The following TMBIM1 variants were observed in gnomAD, a reference collection of about 807,000 sequenced individuals.
TMBIM1 encodes the protein protein lifeguard 3.
Under a neutral mutation model 45.1 loss-of-function variants are expected in TMBIM1, and 34 were observed. The observed-to-expected ratio is 0.75, with a 90% CI of 0.57 to 1.00. The LOEUF is 1.00. TMBIM1 is among the 50% of genes least tolerant of loss of function. The probability of loss-of-function intolerance (pLI) is 0.00; values close to 1 mark genes in which losing one functional copy is unlikely to be tolerated. For missense variants in TMBIM1, 374 were observed against 402.4 expected, an observed-to-expected ratio of 0.93 and a Z score of 0.60; for synonymous variants, 157 against 153.5, an observed-to-expected ratio of 1.02 and a Z score of -0.17.
At chr2:218,276,672 T>C (rs978666410) in intron 10 of TMBIM1, among the ~76,000 whole-genome samples, 1 of 152,160 alleles carries the variant, frequency 6.6e-6, no homozygotes, top group African/African-American at 2.4e-5. Flanking sequence ...CCTAGGCCCA[T>C]CATCTCAGTC....
At chr2:218,288,386 G>A (rs374839087) in intron 1 of TMBIM1, among the ~76,000 whole-genome samples, 119 of 152,206 alleles carry the variant, frequency 7.8e-4, no homozygotes, top group African/African-American at 2.5e-3. Context: ...TCAAAATGGC[G>A]CCACTGCACT....
At chr2:218,276,154 G>A (rs891091976) in intron 10 of TMBIM1, 75 bp from the exon 11 acceptor site, 19 of 1,516,958 alleles carry the variant, frequency 1.3e-5, no homozygotes, top group South Asian at 4.7e-5. Context: ...AGCTTCCCCC[G>A]GGATAGTGGC....
At chr2:218,291,620 G>A (rs2106243048) in intron 1 of TMBIM1, among the ~76,000 whole-genome samples, 1 of 152,280 alleles carries the variant, frequency 6.6e-6, no homozygotes, top group African/African-American at 2.4e-5. Context: ...AGACCCCATA[G>A]GACAAGAATT....
Position 218,275,932 on chromosome 2 carries a change from C to T in TMBIM1, c.789+94G>A, listed in dbSNP as rs1463302263. ...GGAATGGCCTGCTATGGCCCCATTC[C>T]CTGCCTCCCAGGCAGTCTAAATTCA... On this transcript the variant is annotated intron_variant, in intron 11 of 11. Coordinates refer to ENST00000258412, the MANE Select transcript of TMBIM1 (RefSeq NM_022152.6). 4 of 1,438,628 alleles carry T rather than the reference C, an allele frequency of 2.8e-6. No individual in the cohort carries two copies. In the African/African-American group the frequency reaches 5.6e-5, roughly 20 times the overall value. The allele number at this position is 1,438,628 out of a possible 1,614,324, so 89.1% of individuals were successfully genotyped here.
intron 1 of TMBIM1, among the ~76,000 whole-genome samples, chr2:218,288,289 T>C (rs1042247790): frequency 6.6e-6 from 1 of 151,998 alleles, no homozygotes; most frequent in African/African-American, 2.4e-5. Flanking sequence ...ATTAGCTGGA[T>C]GTGGTGGCGG....
At position 218,275,438 on chromosome 2, in the gene TMBIM1, G is replaced by C; in HGVS notation, c.*37C>G. 1.3e-6 allele frequency: 2 copies of C among 1,594,290 alleles called. No homozygotes were observed. The highest frequency in any genetic ancestry group is 2.3e-5 in the South Asian group (2 of 87,794). ...GGGCCCAGCCCTCTAGCTTGGAAGG[G>C]AGAGCCCAGGATCGGGTGAAAATGG... On this transcript the variant is annotated 3_prime_UTR_variant, in exon 12 of 12. Transcript: ENST00000258412.
At chr2:218,291,740 G>A (rs1021921519) in intron 1 of TMBIM1, among the ~76,000 whole-genome samples, 2 of 151,996 alleles carry the variant, frequency 1.3e-5, no homozygotes, top group African/African-American at 4.8e-5. Context: ...CCCTTTTCCC[G>A]TTTCTCTGTT....
chr2:218,289,378 A>G (rs1389021675), intron 1 of TMBIM1, among the ~76,000 whole-genome samples: 2 of 152,176 alleles, frequency 1.3e-5, no homozygotes, highest in Non-Finnish European at 2.9e-5. Flanking sequence ...GCGGTGGCTC[A>G]TGCCTGTAAT....
At chr2:218,278,404 T>G in intron 6 of TMBIM1, 111 bp downstream of exon 6, 1 of 1,142,392 alleles carries the variant, frequency 8.8e-7, no homozygotes, top group Non-Finnish European at 1.3e-6. Flanking sequence ...TCCTCCTCAT[T>G]TCTTGTAAGT....
In TMBIM1 at chr2:218,277,447, G is replaced by A. The variant is rs1381991618; in HGVS notation, c.558C>T (p.Tyr186=). The A allele has an allele frequency of 1.9e-6, 3 of 1,614,160 alleles. No homozygotes were observed. Among genetic ancestry groups the A allele is most frequent in the Non-Finnish European group, 2.5e-6 (3 of 1,180,030 alleles). Residue 186 remains tyrosine (Y), a synonymous_variant, in exon 9 of 12, where the codon TAC becomes TAT. Transcript: ENST00000258412. ...GFMTGTISSM[Y]QTKAVIIAMI... is the part of the protein sequence containing the mutation. ...TTGCAATGATGACGGCTTTGGTTTG[G>A]TACATACTGGGGAGAAGCAGGAGTT...
At chr2:218,282,834 G>A (rs1435659288) in intron 1 of TMBIM1, among the ~76,000 whole-genome samples, 4 of 152,222 alleles carry the variant, frequency 2.6e-5, no homozygotes, top group Admixed American at 1.3e-4. Flanking sequence ...CAGGGGCTGG[G>A]GGCAGGGAGG....
chr2:218,276,025 C>A lies in TMBIM1; in HGVS notation c.789+1G>T. 6.2e-7 allele frequency: 1 copy of A among 1,611,690 alleles called. No homozygotes were observed. The highest frequency in any genetic ancestry group is 8.5e-7 in the Non-Finnish European group (1 of 1,179,046). On this transcript the variant is annotated splice_donor_variant, in intron 11 of 11. Coordinates refer to ENST00000258412, the MANE Select transcript of TMBIM1 (RefSeq NM_022152.6). LOFTEE classifies it high-confidence loss of function. ...CTTCCTAGAGTGGGGCTGGGACTTA[C>A]CAGGGTGAAACAAATGGCCCCCAGA...
intron 9 of TMBIM1, 76 bp from the exon 10 acceptor site, chr2:218,277,175 G>A (rs1691305114): frequency 7.5e-7 from 1 of 1,340,404 alleles, no homozygotes; most frequent in Non-Finnish European, 1.1e-6. Context: ...CTGCCAGGGA[G>A]TCCCAGTGCT....
chr2:218,275,803 A>G (rs1342321682), intron 11 of TMBIM1, among the ~76,000 whole-genome samples, 182 bp from the exon 12 acceptor site: 1 of 152,176 alleles, frequency 6.6e-6, no homozygotes, highest in Non-Finnish European at 1.5e-5. Context: ...AGGCAGACAC[A>G]CCGTTCTCAA....
intron 2 of TMBIM1, among the ~76,000 whole-genome samples, chr2:218,281,554 G>A (rs983899390): frequency 2.6e-5 from 4 of 152,232 alleles, no homozygotes; most frequent in Non-Finnish European, 5.9e-5. Flanking sequence ...AGTGGTTCAG[G>A]TTCCCAAAGG....
intron 1 of TMBIM1, among the ~76,000 whole-genome samples, chr2:218,288,707 G>C (rs1359123338): frequency 6.6e-6 from 1 of 152,118 alleles, no homozygotes; most frequent in African/African-American, 2.4e-5. Flanking sequence ...AAATCCATGT[G>C]CTTCTGCCAC....
chr2:218,288,214 G>T (rs6727301), intron 1 of TMBIM1, among the ~76,000 whole-genome samples: 53,569 of 152,076 alleles, frequency 0.35, 9,870 homozygotes, highest in Middle Eastern at 0.51. Context: ...GGATCACGAG[G>T]TCAGGAGATC....
Position 218,287,252 on chromosome 2 carries a change from T to C in TMBIM1, c.-40-5071A>G, listed in dbSNP as rs558743242. ...GAAACCCCAGAGCCAAGAAAGTTCC[T>C]GCTCCACCCCAGAACAGCCCTCTTC... On this transcript the variant is annotated intron_variant, in intron 1 of 11. Coordinates refer to ENST00000258412, the MANE Select transcript of TMBIM1 (RefSeq NM_022152.6). 3.9e-5 allele frequency: 6 copies of C among 152,456 alleles called. No homozygotes were observed. In the East Asian group the frequency reaches 1.2e-3, roughly 29 times the overall value. The allele number at this position is 152,456 out of a possible 1,614,324, so 9.4% of individuals were successfully genotyped here.
At chr2:218,278,970 C>G in intron 5 of TMBIM1, 68 bp downstream of exon 5, 1 of 1,584,622 alleles carries the variant, frequency 6.3e-7, no homozygotes, top group Admixed American at 1.7e-5. Flanking sequence ...CTGAGCAAAG[C>G]TGGTCACCTA....
Sources: gnomAD v4.1 joint callset for allele counts (sites outside exome capture counted in the v4.1 genomes callset) on GRCh38, gnomAD v4.1.1 for gene constraint, MANE v1.5 for transcripts, NCBI Gene and HGNC (gene_info 2026-07-23, HGNC 2026-07-21) for gene names.